The following ZNF749 variants were observed in gnomAD, a reference collection of about 807,000 sequenced individuals.
ZNF749 encodes zinc finger protein 749.
ZNF749 carries 8 observed loss-of-function variants against 7.3 expected under a neutral mutation model. The ratio of observed to expected loss-of-function variants is 1.10; its 90% CI spans 0.64 to 1.98. ZNF749 has a LOEUF of 1.98. ZNF749 is among the 30% of genes most tolerant of loss of function. The pLI is 0.00. For missense variants in ZNF749, 898 were observed against 932.4 expected (o/e 0.96, Z 0.48); for synonymous variants, 310 against 322.4 (o/e 0.96, Z 0.41).
Position 57,443,779 on chromosome 19 carries a change from C to G in ZNF749, c.631C>G (p.Leu211Val). ...GAAAGACTTTTGCCACCAACATGGG[C>G]TGTTTGAGCACCAAAAAACCCATAA... ...GGKDFCHQHG[L>V]FEHQKTHNGE... The change falls in exon 3 of 3, where the codon CTG (leucine) becomes GTG (valine). Residue 211 changes from leucine (L) to valine (V), a missense_variant. Physicochemically the swap from Leu to Val is conservative, Grantham distance 32. Coordinates refer to ENST00000334181, the MANE Select transcript of ZNF749 (RefSeq NM_001023561.4). 1 of 1,614,172 alleles carries G rather than the reference C, an allele frequency of 6.2e-7. No individual in the cohort carries two copies. Among genetic ancestry groups the G allele is most frequent in the Non-Finnish European group, 8.5e-7 (1 of 1,180,034 alleles).
At chr19:57,432,235 A>G (rs1292838103), upstream of ZNF749, among the ~76,000 whole-genome samples, 8 of 151,944 alleles carry the variant, frequency 5.3e-5, no homozygotes, top group Non-Finnish European at 1.0e-4. Flanking sequence ...GATGAAAAGA[A>G]ATGGTGTGAT....
chr19:57,443,678 G>A lies in ZNF749; in HGVS notation c.530G>A (p.Trp177Ter), dbSNP rs141119297. The change falls in exon 3 of 3, where the codon TGG (tryptophan) becomes TAG (stop). Residue 177 changes from tryptophan (W) to a stop codon, truncating the protein, a stop_gained. Transcript: ENST00000334181. LOFTEE classifies it low-confidence loss of function (END_TRUNC). Reference protein sequence around the residue: ...LLQQQVLNSGWKLYRDTQDGE... With the variant: ...LLQQQVLNSG ...CAGCAACAGGTCTTAAACAGTGGGT[G>A]GAAGCTGTACAGGGATACCCAGGAT... 2.0e-5 allele frequency: 33 copies of A among 1,614,114 alleles called. No homozygotes were observed. In the African/African-American group the frequency reaches 2.3e-4, roughly 11 times the overall value.
chr19:57,440,103 TAAGG>T (rs2088973064), intron 1 of ZNF749, among the ~76,000 whole-genome samples: 1 of 151,942 alleles, frequency 6.6e-6, no homozygotes, highest in South Asian at 2.1e-4. Flanking sequence ...CTGTGGAGTA[TAAGG>T]AAGGGCTTTT....
rs113557990 is a variant in ZNF749 at position 57,435,336 on chromosome 19, C to T, written c.-243C>T. The T allele has an allele frequency of 0.021, 12,682 of 609,860 alleles. 1,128 individuals are homozygous for T. Among genetic ancestry groups the T allele is most frequent in the African/African-American group, 0.2 (10,864 of 53,884 alleles). The allele number at this position is 609,860 out of a possible 1,614,324, so 37.8% of individuals were successfully genotyped here. A position where few individuals can be genotyped will look rare whatever the true frequency, so the allele number is the denominator to read the frequency against. On this transcript the variant is annotated 5_prime_UTR_variant, in exon 1 of 3. Coordinates refer to ENST00000334181, the MANE Select transcript of ZNF749 (RefSeq NM_001023561.4). ...ATTGTGTGGGCGGGACTTCTGGCGG[C>T]GCCCTCATGGTTGCGTTAGCATGGC... is the stretch of plus-strand genomic sequence containing the variant.
chr19:57,433,111 AG>A (rs2088907117), upstream of ZNF749, among the ~76,000 whole-genome samples: 1 of 143,412 alleles, frequency 7.0e-6, no homozygotes, highest in African/African-American at 2.6e-5. Flanking sequence ...AGTCTTGAGG[AG>A]TGTGTGTGTG....
Position 57,443,812 on chromosome 19 carries a change from A to G in ZNF749, c.664A>G (p.Arg222Gly), listed in dbSNP as rs967422906. The change falls in exon 3 of 3, where the codon AGG becomes GGG. Residue 222 changes from arginine to glycine, a missense_variant. Transcript: ENST00000334181. ...GCACCAAAAAACCCATAATGGGGAG[A>G]GGCCTTATGAGTTCAGTGAATGTGG... ...FEHQKTHNGE[R>G]PYEFSECGEL... 6.2e-7 allele frequency: 1 copy of G among 1,614,208 alleles called. No homozygotes were observed.
In ZNF749 at chr19:57,444,567, CAA is replaced by C. The variant is rs761001036; in HGVS notation, c.1420_1421del (p.Lys474GlufsTer3). On this transcript the variant is annotated frameshift_variant, in exon 3 of 3. Coordinates refer to ENST00000334181, the MANE Select transcript of ZNF749 (RefSeq NM_001023561.4). LOFTEE classifies it low-confidence loss of function (END_TRUNC). ...FSKRSDLIQHKRIDIRPRPYT... is the reference protein window; with the variant it reads ...FSKRSDLIQHXRIDIRPRPYT... ...CAAAAAGGTCTGACCTCATTCAACA[CAA>C]GAGGATTGACATTAGGCCAAGGCCT... 52 of 1,613,462 alleles carry C rather than the reference CAA, an allele frequency of 3.2e-5. No homozygotes were observed. In the African/African-American group the frequency reaches 5.1e-4, roughly 16 times the overall value.
upstream of ZNF749, chr19:57,435,203 G>A: frequency 2.8e-6 from 1 of 360,884 alleles, no homozygotes; most frequent in Non-Finnish European, 5.2e-6. Context: ...AAGACACTGC[G>A]GGCGACACAG....
rs776578459 is a variant in ZNF749, at chr19:57,445,266, G to A, written c.2118G>A (p.Arg706=). Residue 706 remains arginine, a synonymous_variant, in exon 3 of 3, where the codon AGG becomes AGA. Coordinates refer to ENST00000334181, the MANE Select transcript of ZNF749 (RefSeq NM_001023561.4). ...HECSKCRELF[R]TKSSLIIHQQ... ...GCAGTAAATGTAGGGAATTGTTTAG[G>A]ACTAAATCGAGCCTTATTATACATC... The A allele has an allele frequency of 6.2e-7, 1 of 1,613,872 alleles. No individual in the cohort carries two copies. Among genetic ancestry groups the A allele is most frequent in the Non-Finnish European group, 8.5e-7 (1 of 1,179,878 alleles).
chr19:57,441,471 G>C (rs1481578490), intron 1 of ZNF749, among the ~76,000 whole-genome samples: 1 of 152,114 alleles, frequency 6.6e-6, no homozygotes, highest in African/African-American at 2.4e-5. Context: ...TAGTGCAGGG[G>C]GAATGCCGTG....
chr19:57,445,537 A>C lies in ZNF749; in HGVS notation c.*52A>C, dbSNP rs2089055769. 6.4e-7 allele frequency: 1 copy of C among 1,551,006 alleles called. No homozygotes were observed. Among genetic ancestry groups the C allele is most frequent in the South Asian group, 1.3e-5 (1 of 79,092 alleles). Reference sequence around the variant, plus strand: ...AACTGTCACCTCATTCAGCACCAAAAGGTTCACATCGGACCAAGAACCTAT... The same window carrying C: ...AACTGTCACCTCATTCAGCACCAAACGGTTCACATCGGACCAAGAACCTAT... On this transcript the variant is annotated 3_prime_UTR_variant, in exon 3 of 3. Transcript: ENST00000334181.
chr19:57,443,565 A>T lies in ZNF749; in HGVS notation c.417A>T (p.Ser139=), dbSNP rs189718925. The T allele has an allele frequency of 2.5e-6, 4 of 1,614,242 alleles. No individual in the cohort carries two copies. In the East Asian group the frequency reaches 6.7e-5, roughly 27 times the overall value. Reference sequence around the variant, plus strand: ...CCAGAAGTGATGAGTGGAGGCCTTCATTTGTGAACCACAGTGCTCACGTGG... The same window carrying T: ...CCAGAAGTGATGAGTGGAGGCCTTCTTTTGTGAACCACAGTGCTCACGTGG... ...KLTRSDEWRP[S]FVNHSAHVGE... is the part of the protein sequence containing the mutation. The change falls in exon 3 of 3, where the codon TCA becomes TCT. Residue 139 remains serine, a synonymous_variant. Transcript: ENST00000334181.
chr19:57,445,220 C>T lies in ZNF749; in HGVS notation c.2072C>T (p.Thr691Ile), dbSNP rs1182608277. 1 of 1,614,024 alleles carries T rather than the reference C, an allele frequency of 6.2e-7. No homozygotes were observed. Among genetic ancestry groups the T allele is most frequent in the African/African-American group, 1.3e-5 (1 of 75,036 alleles). ...TTCATTAAACATCATAAAGTTTGCA[C>T]TGGGGAGAAGCCTCATGAGTGCAGT... ...STFIKHHKVC[T>I]GEKPHECSKC... The change falls in exon 3 of 3, where the codon ACT becomes ATT. Residue 691 changes from threonine (T) to isoleucine (I), a missense_variant. By Grantham distance (89) the Thr-to-Ile change is moderately conservative (BLOSUM62 -1). Transcript: ENST00000334181.
chr19:57,431,973 C>T (rs982625999), upstream of ZNF749, among the ~76,000 whole-genome samples: 1 of 152,030 alleles, frequency 6.6e-6, no homozygotes, highest in Admixed American at 6.5e-5. Flanking sequence ...TAGGCGCATG[C>T]CTGGCCAATT....
chr19:57,444,231 A>G lies in ZNF749; in HGVS notation c.1083A>G (p.Lys361=), dbSNP rs763046448. The change falls in exon 3 of 3, where the codon AAA becomes AAG. Residue 361 remains lysine (K), a synonymous_variant. Transcript: ENST00000334181. ...ERRYECSECG[K]LFMDSFTLGR... is the part of the protein sequence containing the mutation. ...GTTACGAGTGCAGTGAATGTGGGAAATTGTTTATGGACAGCTTCACACTCG... is the reference window on the plus strand; with the variant it reads ...GTTACGAGTGCAGTGAATGTGGGAAGTTGTTTATGGACAGCTTCACACTCG... 7.4e-6 allele frequency: 12 copies of G among 1,613,908 alleles called. No homozygotes were observed. The highest frequency in any genetic ancestry group is 1.3e-5 in the African/African-American group (1 of 74,880).
chr19:57,444,699 G>A lies in ZNF749; in HGVS notation c.1551G>A (p.Ala517=), dbSNP rs768143340. ...GGCCTTATGAATGCACTCAATGTGC[G>A]AAGGCCTTTGTTAGAAAGTCCCACC... The part of the protein sequence containing the change: ...GERPYECTQC[A]KAFVRKSHLV... Residue 517 remains alanine, a synonymous_variant, in exon 3 of 3, where the codon GCG becomes GCA. Coordinates refer to ENST00000334181, the MANE Select transcript of ZNF749 (RefSeq NM_001023561.4). The A allele has an allele frequency of 1.9e-5, 31 of 1,613,280 alleles. No individual in the cohort carries two copies. Among genetic ancestry groups the A allele is most frequent in the African/African-American group, 1.9e-4 (14 of 74,632 alleles).
At position 57,445,614 on chromosome 19, in the gene ZNF749, T is replaced by C. The variant is rs1177653058; in HGVS notation, c.*129T>C. 10 of 1,441,374 alleles carry C rather than the reference T, an allele frequency of 6.9e-6. No homozygotes were observed. The highest frequency in any genetic ancestry group is 2.6e-5 in the Admixed American group (1 of 37,750). The allele number at this position is 1,441,374 out of a possible 1,614,324, so 89.3% of individuals were successfully genotyped here. A position where few individuals can be genotyped will look rare whatever the true frequency, so the allele number is the denominator to read the frequency against. ...GAGTTCAGATGGAAATCTGCGAGGA[T>C]TTCCTGCTGGGAACTACATTAAAAA... On this transcript the variant is annotated 3_prime_UTR_variant, in exon 3 of 3. Coordinates refer to ENST00000334181, the MANE Select transcript of ZNF749 (RefSeq NM_001023561.4).
chr19:57,434,374 G>A (rs1462503943), upstream of ZNF749, among the ~76,000 whole-genome samples: 1 of 152,186 alleles, frequency 6.6e-6, no homozygotes, highest in Non-Finnish European at 1.5e-5. Context: ...TGGGATTACA[G>A]GCGTGAGATA....
In ZNF749 at chr19:57,441,966, C is replaced by T. The variant is rs1279007542; in HGVS notation, c.97C>T (p.His33Tyr). 1.5e-5 allele frequency: 24 copies of T among 1,614,122 alleles called. No individual in the cohort carries two copies. Among genetic ancestry groups the T allele is most frequent in the Non-Finnish European group, 2.0e-5 (24 of 1,180,012 alleles). ...CCTTAATGATGCTCAGAGACACCTG[C>T]ACAGCAATGTGATGTTGGAGAACTT... ...GILNDAQRHL[H>Y]SNVMLENFAL... is the part of the protein sequence containing the mutation. Residue 33 changes from histidine (H) to tyrosine (Y), a missense_variant, in exon 2 of 3, where the codon CAC (histidine) becomes TAC (tyrosine). Coordinates refer to ENST00000334181, the MANE Select transcript of ZNF749 (RefSeq NM_001023561.4).
Sources: gnomAD v4.1 joint callset for allele counts (sites outside exome capture counted in the v4.1 genomes callset) on GRCh38, gnomAD v4.1.1 for gene constraint, MANE v1.5 for transcripts, NCBI Gene and HGNC (gene_info 2026-07-23, HGNC 2026-07-21) for gene names.